The following CDH8 variants were observed in gnomAD, a reference collection of about 807,000 sequenced individuals.
CDH8 encodes cadherin 8, also known as cadherin-8.
A neutral mutation model predicts 68.1 loss-of-function variants in CDH8; 17 were observed. That is an observed-to-expected ratio of 0.25 (90% CI 0.17 to 0.37). CDH8 has a LOEUF of 0.37. Among genes scored for constraint, CDH8 ranks in the 10% least tolerant of loss-of-function variants. The probability of loss-of-function intolerance (pLI) is 1.00; values close to 1 mark genes in which losing one functional copy is unlikely to be tolerated. For synonymous variants in CDH8, 372 were observed against 365.1 expected, an observed-to-expected ratio of 1.02 and a Z score of -0.21; for missense variants, 763 against 999.3, an observed-to-expected ratio of 0.76 and a Z score of 3.19.
At chr16:62,014,462 T>A (rs906846428) in intron 2 of CDH8, among the ~76,000 whole-genome samples, 1 of 152,154 alleles carries the variant, frequency 6.6e-6, no homozygotes, top group African/African-American at 2.4e-5. Context: ...TTCATGGAAC[T>A]GACAGTGAAT....
At chr16:61,877,805 G>A (rs1291376838) in intron 3 of CDH8, among the ~76,000 whole-genome samples, 1 of 152,102 alleles carries the variant, frequency 6.6e-6, no homozygotes, top group African/African-American at 2.4e-5. Context: ...AAATATTAGA[G>A]AATTTTGCTT....
intron 2 of CDH8, among the ~76,000 whole-genome samples, chr16:62,011,240 T>C (rs1901805456): frequency 6.6e-6 from 1 of 152,190 alleles, no homozygotes; most frequent in South Asian, 2.1e-4. Flanking sequence ...ACCTGCTGCA[T>C]TGTGGTAAAT....
rs1322299363 is a variant in CDH8 at position 61,919,376 on chromosome 16, G to C, written c.253-17903C>G. On this transcript the variant is annotated intron_variant, in intron 2 of 11. Coordinates refer to ENST00000577390, the MANE Select transcript of CDH8 (RefSeq NM_001796.5). ...ACGATCAAATTACTCCAAGCTACGG[G>C]AGGACATTCAAACCAAAGGCAAAGA... 2.7e-5 allele frequency among the ~76,000 whole-genome samples: 4 copies of C among 147,632 alleles called. 1 individual carries two copies. The highest frequency in any genetic ancestry group is 5.9e-5 in the Non-Finnish European group (4 of 67,448).
At chr16:61,926,166 T>C (rs932052135) in intron 2 of CDH8, among the ~76,000 whole-genome samples, 11 of 151,348 alleles carry the variant, frequency 7.3e-5, no homozygotes, top group Non-Finnish European at 1.6e-4. Context: ...TGTGTGTGTG[T>C]GTGTGTGTGT....
At chr16:61,922,986 T>C (rs1452090890) in intron 2 of CDH8, among the ~76,000 whole-genome samples, 1 of 152,340 alleles carries the variant, frequency 6.6e-6, no homozygotes, top group East Asian at 1.9e-4. Flanking sequence ...CCTTAAATAT[T>C]TGTATTTTCC....
chr16:61,869,323 A>G (rs1475595840), intron 3 of CDH8, among the ~76,000 whole-genome samples: 1 of 152,122 alleles, frequency 6.6e-6, no homozygotes, highest in Non-Finnish European at 1.5e-5. Flanking sequence ...ACTGTAACCT[A>G]GGCGTGTTGC....
At position 61,932,156 on chromosome 16, in the gene CDH8, G is replaced by T. The variant is rs561269567; in HGVS notation, c.253-30683C>A. On this transcript the variant is annotated intron_variant, in intron 2 of 11. Transcript: ENST00000577390. ...CGGGAGGCGGAGCTTGCAGTGAGCC[G>T]AGAAGGCGCCACTGCACTCCAGGCC... Among the ~76,000 whole-genome samples the T allele has an allele frequency of 2.7e-5, 4 of 148,476 alleles. No individual in the cohort carries two copies. In the South Asian group the frequency reaches 8.4e-4, roughly 31 times the overall value.
At chr16:61,973,599 C>T (rs1337666690) in intron 2 of CDH8, among the ~76,000 whole-genome samples, 1 of 152,134 alleles carries the variant, frequency 6.6e-6, no homozygotes, top group African/African-American at 2.4e-5. Context: ...CAACACAGAG[C>T]CCATGGCTTA....
At chr16:62,000,899 A>T (rs1302613697) in intron 2 of CDH8, among the ~76,000 whole-genome samples, 3 of 152,238 alleles carry the variant, frequency 2.0e-5, no homozygotes, top group Non-Finnish European at 4.4e-5. Context: ...TTATTAATGA[A>T]TAATAAAAAT....
chr16:61,846,949 A>G (rs1962818211), intron 4 of CDH8, among the ~76,000 whole-genome samples: 1 of 152,098 alleles, frequency 6.6e-6, no homozygotes, highest in South Asian at 2.1e-4. Flanking sequence ...GCGCATCTTT[A>G]TGTTCCTGGT....
chr16:61,721,109 A>AATAG (rs1555505232), intron 9 of CDH8, among the ~76,000 whole-genome samples: 155 of 150,508 alleles, frequency 1.0e-3, no homozygotes, highest in African/African-American at 3.7e-3. Flanking sequence ...CAAACCCTCC[A>AATAG]ATATATATAT....
chr16:61,750,143 A>G (rs1213255949), intron 8 of CDH8, among the ~76,000 whole-genome samples: 1 of 152,060 alleles, frequency 6.6e-6, no homozygotes, highest in African/African-American at 2.4e-5. Context: ...CCTGCCACTT[A>G]TAAGTGAGAA....
chr16:61,907,545 T>C (rs1964082407), intron 2 of CDH8, among the ~76,000 whole-genome samples: 1 of 151,878 alleles, frequency 6.6e-6, no homozygotes, highest in African/African-American at 2.4e-5. Context: ...CTGGGCATGG[T>C]GGTGCACGCC....
chr16:61,654,688 C>A (rs576192080), intron 11 of CDH8, among the ~76,000 whole-genome samples: 1 of 152,300 alleles, frequency 6.6e-6, no homozygotes, highest in African/African-American at 2.4e-5. Flanking sequence ...ACATACCCAA[C>A]TAGTCAGATG....
intron 3 of CDH8, among the ~76,000 whole-genome samples, chr16:61,892,324 C>A (rs1419183070): frequency 1.3e-5 from 2 of 152,046 alleles, no homozygotes; most frequent in Non-Finnish European, 2.9e-5. Flanking sequence ...GTAATGCCTG[C>A]AGGATCCTTT....
At chr16:61,715,279 A>T (rs1042497667) in intron 9 of CDH8, among the ~76,000 whole-genome samples, 1 of 151,586 alleles carries the variant, frequency 6.6e-6, no homozygotes, top group East Asian at 1.9e-4. Flanking sequence ...AGTATAACTC[A>T]TGGTTAAGAC....
intron 10 of CDH8, among the ~76,000 whole-genome samples, chr16:61,658,881 A>G (rs16963786): frequency 0.12 from 18,906 of 152,094 alleles, 1,201 homozygotes; most frequent in African/African-American, 0.15. Context: ...ATGTTCTTCA[A>G]TATATGTCAG....
At chr16:61,823,645 C>A (rs1389028488) in intron 5 of CDH8, among the ~76,000 whole-genome samples, 1 of 151,888 alleles carries the variant, frequency 6.6e-6, no homozygotes, top group Non-Finnish European at 1.5e-5. Context: ...TCGCTGGAAC[C>A]ACAGCCTATC....
At chr16:61,984,848 G>A (rs1466000611) in intron 2 of CDH8, among the ~76,000 whole-genome samples, 1 of 152,108 alleles carries the variant, frequency 6.6e-6, no homozygotes, top group Non-Finnish European at 1.5e-5. Flanking sequence ...TTTGCGTATA[G>A]TATAAAATAG....
Sources: allele counts gnomAD v4.1 joint callset (sites outside exome capture counted in the v4.1 genomes callset), GRCh38; gene constraint gnomAD v4.1.1; transcripts MANE v1.5; gene names NCBI Gene and HGNC (gene_info 2026-07-23, HGNC 2026-07-21).